The following BRS3 variants were observed in gnomAD, a reference collection of about 807,000 sequenced individuals.
BRS3 encodes bombesin receptor subtype 3.
BRS3 carries 5 observed loss-of-function variants against 18.8 expected under a neutral mutation model. The ratio of observed to expected loss-of-function variants is 0.27; its 90% CI spans 0.14 to 0.56. The LOEUF (loss-of-function observed/expected upper bound fraction) is 0.56, where lower values mean the gene tolerates loss of function less well. Among genes scored for constraint, BRS3 ranks in the 20% least tolerant of loss-of-function variants. The pLI, the probability that BRS3 is intolerant of heterozygous loss-of-function variation, is 0.93. For missense variants in BRS3, 215 were observed against 296.3 expected, an observed-to-expected ratio of 0.73 and a Z score of 2.01; for synonymous variants, 121 against 115.0, an observed-to-expected ratio of 1.05 and a Z score of -0.33.
intron 1 of BRS3, among the ~76,000 whole-genome samples, chrX:136,489,248 C>G (rs1304177063): frequency 9.0e-6 from 1 of 111,680 alleles, no homozygotes. Context: ...AGTCCAAGTA[C>G]TCTGTTTTTC....
chrX:136,490,023 C>T, intron 1 of BRS3, 110 bp from the exon 2 acceptor site: 1 of 561,273 alleles, frequency 1.8e-6, no homozygotes, highest in Non-Finnish European at 2.8e-6. Flanking sequence ...CTTGGTTATA[C>T]ACATATGCAC....
In BRS3 at chrX:136,492,288, C is replaced by T. The variant is rs1269049465; in HGVS notation, c.1113C>T (p.Val371=). 13 of 1,209,536 alleles carry T rather than the reference C, an allele frequency of 1.1e-5. No individual in the cohort carries two copies. Among genetic ancestry groups the T allele is most frequent in the Non-Finnish European group, 1.3e-5 (12 of 895,165 alleles). The change falls in exon 3 of 3, where the codon GTC becomes GTT. Residue 371 remains valine, a synonymous_variant. Transcript: ENST00000370648. ...CCACCCTGGCTGTGATGGGAACGGTCCCGGGCACTGGGAGCATACAGATGT... is the reference window on the plus strand; with the variant it reads ...CCACCCTGGCTGTGATGGGAACGGTTCCGGGCACTGGGAGCATACAGATGT... ...SLTTLAVMGT[V]PGTGSIQMSE... is the part of the protein sequence containing the mutation.
At position 136,490,236 on chromosome X, in the gene BRS3, C is replaced by G. The variant is rs1180255853; in HGVS notation, c.538C>G (p.Leu180Val). The G allele has an allele frequency of 8.3e-7, 1 of 1,211,064 alleles. No individual in the cohort carries two copies. The highest frequency in any genetic ancestry group is 2.2e-5 in the Admixed American group (1 of 46,075). ...CTGGATCGTGTCTATGATATTTGCT[C>G]TACCTGAGGCTATATTTTCAAATGT... ...CVWIVSMIFA[L>V]PEAIFSNVYT... Residue 180 changes from leucine (L) to valine (V), a missense_variant, in exon 2 of 3, where the codon CTA (leucine) becomes GTA (valine). Coordinates refer to ENST00000370648, the MANE Select transcript of BRS3 (RefSeq NM_001727.2).
chrX:136,491,911 G>GTTTTTTTTTTTTTTTTTTTTT, intron 2 of BRS3, 51 bp from the exon 3 acceptor site: 1 of 600,601 alleles, frequency 1.7e-6, no homozygotes, highest in Non-Finnish European at 2.0e-6. Context: ...GTTGTTTTTT[G>GTTTTTTTTTTTTTTTTTTTTT]TGTTTTTTTT....
rs1475292281 is a variant in BRS3, at chrX:136,488,001, G to A, written c.-114G>A. The stretch of plus-strand genomic sequence containing the variant: ...ATGTCTTGGATTTTCTTCCCATTCT[G>A]TTCTGTTCTGTTCTCCTAATACCAT... On this transcript the variant is annotated 5_prime_UTR_variant, in exon 1 of 3. Coordinates refer to ENST00000370648, the MANE Select transcript of BRS3 (RefSeq NM_001727.2). 1.4e-6 allele frequency: 1 copy of A among 694,980 alleles called. No homozygotes were observed. Among genetic ancestry groups the A allele is most frequent in the Non-Finnish European group, 2.1e-6 (1 of 475,422 alleles). 57.3% of individuals were successfully genotyped at this position (694,980 alleles called of 1,213,427 possible).
intron 2 of BRS3, 75 bp from the exon 3 acceptor site, chrX:136,491,887 T>G: frequency 7.4e-6 from 7 of 941,724 alleles, no homozygotes; most frequent in Non-Finnish European, 9.6e-6. Context: ...AAATGTTTTG[T>G]TTTTTTTGTT....
chrX:136,491,919 T>TG, intron 2 of BRS3, 43 bp from the exon 3 acceptor site: 1 of 544,572 alleles, frequency 1.8e-6, no homozygotes, highest in East Asian at 5.4e-5. Flanking sequence ...TTGTGTTTTT[T>TG]TTTTTTTTTT....
Position 136,488,072 on chromosome X carries a change from G to T in BRS3, c.-43G>T. ...TTGGACGTGACAATCAACTGCATTT[G>T]AACTGAGAAGAAGAAATATTAAAGA... is the stretch of plus-strand genomic sequence containing the variant. On this transcript the variant is annotated 5_prime_UTR_variant, in exon 1 of 3. Transcript: ENST00000370648. 8.8e-7 allele frequency: 1 copy of T among 1,139,481 alleles called. No homozygotes were observed. Among genetic ancestry groups the T allele is most frequent in the Non-Finnish European group, 1.2e-6 (1 of 851,719 alleles). The allele number at this position is 1,139,481 out of a possible 1,213,427, so 93.9% of individuals were successfully genotyped here.
At position 136,492,229 on chromosome X, in the gene BRS3, C is replaced by T. The variant is rs141447542; in HGVS notation, c.1054C>T (p.Arg352Trp). Residue 352 changes from arginine (R) to tryptophan (W), a missense_variant, in exon 3 of 3, where the codon CGG becomes TGG. This residue lies in a region of BRS3 where 45 missense variants were observed against 45.5 expected (regional missense o/e 0.99). Transcript: ENST00000370648. ...TCAGTTGTTCTGTTGCAAGGCGGAGCGGCCTGAGCCTCCTGTTGCTGACAC... is the reference window on the plus strand; with the variant it reads ...TCAGTTGTTCTGTTGCAAGGCGGAGTGGCCTGAGCCTCCTGTTGCTGACAC... The part of the protein sequence containing the change: ...KAQLFCCKAE[R>W]PEPPVADTSL... 6.6e-4 allele frequency: 796 copies of T among 1,209,793 alleles called. No individual in the cohort carries two copies. The highest frequency in any genetic ancestry group is 8.3e-4 in the Non-Finnish European group (742 of 895,257).
intron 1 of BRS3, 72 bp from the exon 2 acceptor site, chrX:136,490,061 G>T (rs1224904480): frequency 1.1e-5 from 9 of 843,634 alleles, no homozygotes; most frequent in Non-Finnish European, 1.5e-5. Flanking sequence ...GACCACTAAG[G>T]TCACTTCTCA....
intron 2 of BRS3, among the ~76,000 whole-genome samples, 189 bp from the exon 3 acceptor site, chrX:136,491,773 C>T (rs1409627226): frequency 9.0e-6 from 1 of 111,207 alleles, no homozygotes; most frequent in Non-Finnish European, 1.9e-5. Context: ...CTGCACATCC[C>T]AGCCAGTTAG....
Position 136,491,942 on chromosome X carries a change from T to TAA in BRS3, c.787-19_787-18insAA. ...TTTTTTTTTTTTTTTTTTTTTTTGCTATGTTTCTTCCCCCTATAGATTGAA... is the reference window on the plus strand; with the variant it reads ...TTTTTTTTTTTTTTTTTTTTTTTGCTAAATGTTTCTTCCCCCTATAGATTGAA... On this transcript the variant is annotated intron_variant, in intron 2 of 2. Coordinates refer to ENST00000370648, the MANE Select transcript of BRS3 (RefSeq NM_001727.2). 2 of 535,092 alleles carry TAA rather than the reference T, an allele frequency of 3.7e-6. No homozygotes were observed. Among genetic ancestry groups the TAA allele is most frequent in the Non-Finnish European group, 5.2e-6 (2 of 384,132 alleles). 44.1% of individuals were successfully genotyped at this position (535,092 alleles called of 1,213,427 possible). A position where few individuals can be genotyped will look rare whatever the true frequency, so the allele number is the denominator to read the frequency against.
In BRS3 at chrX:136,490,065, C is replaced by CTT; in HGVS notation, c.435-67_435-66dup. ...TAGAACTGGATGACCACTAAGGTCA[C>CTT]TTCTCACCCTAAAATTTGGTAACTT... On this transcript the variant is annotated intron_variant, in intron 1 of 2. Transcript: ENST00000370648. 5.3e-6 allele frequency: 5 copies of CTT among 935,826 alleles called. No homozygotes were observed. The South Asian group carries it at 9.3e-5, about 17-fold the overall frequency. The allele number at this position is 935,826 out of a possible 1,213,427, so 77.1% of individuals were successfully genotyped here.
intron 1 of BRS3, among the ~76,000 whole-genome samples, chrX:136,489,422 C>T (rs1454346866): frequency 2.7e-5 from 3 of 111,611 alleles, no homozygotes; most frequent in African/African-American, 9.8e-5. Context: ...AGGAGGAAAA[C>T]CTTTCCCTGT....
intron 2 of BRS3, 51 bp from the exon 3 acceptor site, chrX:136,491,911 G>GTTTTTTTTTTTTTTTT: frequency 3.3e-6 from 2 of 600,600 alleles, no homozygotes; most frequent in Non-Finnish European, 2.0e-6. Flanking sequence ...GTTGTTTTTT[G>GTTTTTTTTTTTTTTTT]TGTTTTTTTT....
Position 136,490,178 on chromosome X carries a change from C to T in BRS3, c.480C>T (p.Ala160=). 8.3e-7 allele frequency: 1 copy of T among 1,207,205 alleles called. No individual in the cohort carries two copies. Among genetic ancestry groups the T allele is most frequent in the Non-Finnish European group, 1.1e-6 (1 of 892,252 alleles). ...VKPLERQPSN[A]ILKTCVKAGC... is the part of the protein sequence containing the mutation. ...CACTTGAGCGACAGCCCTCCAATGC[C>T]ATCCTGAAGACTTGTGTAAAAGCTG... Residue 160 remains alanine (A), a synonymous_variant, in exon 2 of 3, where the codon GCC becomes GCT. Transcript: ENST00000370648.
intron 2 of BRS3, 152 bp downstream of exon 2, chrX:136,490,636 A>G: frequency 4.8e-6 from 2 of 414,544 alleles, no homozygotes; most frequent in Non-Finnish European, 7.7e-6. Context: ...TTTGAATCCC[A>G]GTTCTATCAC....
chrX:136,491,913 GTTTTTTTTTTT>G (rs754593042), intron 2 of BRS3, 38 bp from the exon 3 acceptor site: 12 of 435,509 alleles, frequency 2.8e-5, no homozygotes, highest in South Asian at 2.3e-4. Context: ...TGTTTTTTGT[GTTTTTTTTTTT>G]TTTTTTTTTT....
intron 1 of BRS3, among the ~76,000 whole-genome samples, chrX:136,488,785 T>C (rs1260500703): frequency 8.9e-6 from 1 of 112,406 alleles, no homozygotes; most frequent in Admixed American, 9.4e-5. Context: ...TTTATTCTTA[T>C]TGTTTGCTCG....
Sources: allele counts gnomAD v4.1 joint callset (sites outside exome capture counted in the v4.1 genomes callset), GRCh38; gene constraint gnomAD v4.1.1; regional missense constraint gnomAD v4.1.1; transcripts MANE v1.5; gene names NCBI Gene and HGNC (gene_info 2026-07-23, HGNC 2026-07-21).